Variants in C16orf96 observed in about 807,000 individuals in gnomAD.
C16orf96 encodes chromosome 16 open reading frame 96.
A neutral mutation model predicts 103.6 loss-of-function variants in C16orf96; 108 were observed. That is an observed-to-expected ratio of 1.04 (90% confidence interval 0.89 to 1.22). The LOEUF (loss-of-function observed/expected upper bound fraction) is 1.22, where lower values mean the gene tolerates loss of function less well. Ranked by LOEUF, C16orf96 falls within the 50% of genes most tolerant of loss-of-function variation. C16orf96 has a pLI of 0.00. For synonymous variants in C16orf96, 566 were observed against 593.5 expected (o/e 0.95, Z 0.67); for missense variants, 1,586 against 1,464.2 (o/e 1.08, Z -1.36).
chr16:4,595,480 G>C (rs936312197), intron 14 of C16orf96, among the ~76,000 whole-genome samples: 2 of 152,224 alleles, frequency 1.3e-5, no homozygotes, highest in Admixed American at 6.5e-5. Context: ...GCCGGCTCCT[G>C]CTGGGACCCC....
At chr16:4,573,158 C>A (rs777063025) in intron 2 of C16orf96, among the ~76,000 whole-genome samples, 1 of 152,118 alleles carries the variant, frequency 6.6e-6, no homozygotes, top group Non-Finnish European at 1.5e-5. Context: ...GCCTTCTCGG[C>A]GGGGCCTGGT....
rs1247854756 is a variant in C16orf96 at position 4,556,484 on chromosome 16, G to C, written c.-6G>C. ...AACCCCAGCCCCACTGACCCACCCT[G>C]GCAGGATGAGCTTCTCACTCACGTT... On this transcript the variant is annotated 5_prime_UTR_variant, in exon 1 of 16. Transcript: ENST00000444310. The C allele has an allele frequency of 6.6e-7, 1 of 1,518,576 alleles. No individual in the cohort carries two copies. The highest frequency in any genetic ancestry group is 1.3e-5 in the South Asian group (1 of 79,932). 94.1% of individuals were successfully genotyped at this position (1,518,576 alleles called of 1,614,324 possible).
At chr16:4,568,515 A>C (rs1596519533) in intron 1 of C16orf96, among the ~76,000 whole-genome samples, 1 of 150,230 alleles carries the variant, frequency 6.7e-6, no homozygotes, top group South Asian at 2.1e-4. Flanking sequence ...CTGCTCTGGA[A>C]CCCCTGGGCT....
chr16:4,545,178 A>G, the C16orf96 span, among the ~76,000 whole-genome samples: 1 of 151,972 alleles, frequency 6.6e-6, no homozygotes, highest in African/African-American at 2.4e-5. Flanking sequence ...CCAGACCTCA[A>G]TTTTTGGACT....
the C16orf96 span, among the ~76,000 whole-genome samples, chr16:4,547,649 T>TTCC: frequency 2.4e-4 from 29 of 119,174 alleles, no homozygotes; most frequent in African/African-American, 6.8e-4. Context: ...TCTTTCTTTC[T>TTCC]TTCCTTCCTT....
intron 13 of C16orf96, 43 bp from the exon 14 acceptor site, chr16:4,594,661 C>G: frequency 1.3e-6 from 2 of 1,547,354 alleles, no homozygotes; most frequent in Non-Finnish European, 1.7e-6. Flanking sequence ...GGGGGCAGAT[C>G]GGGTCGGGGG....
chr16:4,552,481 CAAAA>C (rs58618088), upstream of C16orf96, among the ~76,000 whole-genome samples: 1 of 67,876 alleles, frequency 1.5e-5, no homozygotes. Context: ...GACTCTGTCT[CAAAA>C]AAAAAAAAAA....
At chr16:4,569,062 G>A (rs11641714) in intron 1 of C16orf96, among the ~76,000 whole-genome samples, 2 of 151,834 alleles carry the variant, frequency 1.3e-5, no homozygotes, top group African/African-American at 2.4e-5. Context: ...CTCTGCCTCC[G>A]GGGTTCAAGT....
intron 14 of C16orf96, among the ~76,000 whole-genome samples, chr16:4,597,417 G>A (rs573095599): frequency 6.6e-6 from 1 of 152,314 alleles, no homozygotes; most frequent in South Asian, 2.1e-4. Context: ...CACATCTGAT[G>A]CACCCAGTCC....
intron 1 of C16orf96, among the ~76,000 whole-genome samples, chr16:4,565,331 C>T (rs2059376019): frequency 6.6e-6 from 1 of 152,216 alleles, no homozygotes; most frequent in South Asian, 2.1e-4. Flanking sequence ...AAGACCTCAG[C>T]CACTTTCCCC....
At chr16:4,591,423 G>A (rs1162471692) in intron 9 of C16orf96, among the ~76,000 whole-genome samples, 6 of 152,040 alleles carry the variant, frequency 3.9e-5, no homozygotes, top group Non-Finnish European at 7.4e-5. Flanking sequence ...GACAGTAGCT[G>A]ATGGTGTTTT....
At chr16:4,571,487 A>G (rs1349186003) in intron 1 of C16orf96, 74 bp from the exon 2 acceptor site, 3 of 1,303,454 alleles carry the variant, frequency 2.3e-6, no homozygotes, top group Middle Eastern at 1.8e-4. Context: ...GGCTATCATC[A>G]GAAAGCTTCT....
Position 4,595,547 on chromosome 16 carries a change from C to T in C16orf96, c.3127+744C>T, listed in dbSNP as rs79949390. ...GACAAAAAGAGGAGCCTTCTCTGCA[C>T]ACCCCTTGAAGGCTCTTCCCCCTTG... On this transcript the variant is annotated intron_variant, in intron 14 of 15. Coordinates refer to ENST00000444310, the MANE Select transcript of C16orf96 (RefSeq NM_001145011.2). 2.3e-4 allele frequency among the ~76,000 whole-genome samples: 35 copies of T among 152,344 alleles called. No individual in the cohort carries two copies. In the East Asian group the frequency reaches 5.4e-3, roughly 24 times the overall value.
chr16:4,598,621 G>GA (rs202134696), intron 14 of C16orf96, among the ~76,000 whole-genome samples: 78 of 149,890 alleles, frequency 5.2e-4, no homozygotes, highest in African/African-American at 7.6e-4. Context: ...TTCGAATAAT[G>GA]AAAAAAAAAC....
chr16:4,552,612 T>C (rs1485659581), upstream of C16orf96, among the ~76,000 whole-genome samples: 1 of 152,204 alleles, frequency 6.6e-6, no homozygotes, highest in East Asian at 1.9e-4. Flanking sequence ...GATGGGAATT[T>C]TTAGCTACTA....
intron 1 of C16orf96, among the ~76,000 whole-genome samples, chr16:4,568,811 G>A (rs1007523097): frequency 2.0e-5 from 3 of 148,576 alleles, no homozygotes; most frequent in Middle Eastern, 3.5e-3. Context: ...GTATTTTTTT[G>A]TAGAGATGGG....
At chr16:4,592,438 C>G in intron 11 of C16orf96, 71 bp downstream of exon 11, 1 of 1,492,364 alleles carries the variant, frequency 6.7e-7, no homozygotes, top group Non-Finnish European at 9.1e-7. Flanking sequence ...CTCCGTGCAC[C>G]TCCATGTGCA....
upstream of C16orf96, among the ~76,000 whole-genome samples, chr16:4,553,339 C>T (rs116824691): frequency 1.3e-5 from 2 of 152,238 alleles, no homozygotes; most frequent in African/African-American, 4.8e-5. Flanking sequence ...TAACCATTGG[C>T]AAGAGTGGCT....
chr16:4,545,496 C>T, the C16orf96 span, among the ~76,000 whole-genome samples: 1 of 152,118 alleles, frequency 6.6e-6, no homozygotes, highest in Non-Finnish European at 1.5e-5. Flanking sequence ...CTAGCCAAGC[C>T]GGGTTTCAGC....
Sources: allele counts gnomAD v4.1 joint callset (sites outside exome capture counted in the v4.1 genomes callset), GRCh38; gene constraint gnomAD v4.1.1; transcripts MANE v1.5; gene names NCBI Gene and HGNC (gene_info 2026-07-23, HGNC 2026-07-21).